Variants in PRAG1 observed in about 807,000 individuals in gnomAD.
PRAG1 encodes inactive tyrosine-protein kinase PRAG1.
In PRAG1, 110 loss-of-function variants were observed where a neutral mutation model predicts 95.6. The observed-to-expected ratio is 1.15, with a 90% CI of 0.99 to 1.35. The LOEUF (loss-of-function observed/expected upper bound fraction) is 1.35, where lower values mean the gene tolerates loss of function less well. Among genes scored for constraint, PRAG1 ranks in the 40% most tolerant of loss-of-function variants. PRAG1 has a pLI of 0.00. For synonymous variants in PRAG1, 1,052 were observed against 819.4 expected (o/e 1.28, Z -4.85); for missense variants, 2,554 against 1,864.7 (o/e 1.37, Z -6.81).
intron 4 of PRAG1, among the ~76,000 whole-genome samples, chr8:8,329,623 C>T (rs1162469013): frequency 1.3e-5 from 2 of 152,150 alleles, no homozygotes; most frequent in Non-Finnish European, 2.9e-5. Context: ...TCTTGTGTCA[C>T]CTCACTCAGG....
intron 5 of PRAG1, among the ~76,000 whole-genome samples, chr8:8,321,197 A>C (rs1156674466): frequency 1.3e-5 from 2 of 152,064 alleles, no homozygotes; most frequent in Admixed American, 6.6e-5. Context: ...CGATCCTCCC[A>C]CCTCAGCCTC....
intron 1 of PRAG1, among the ~76,000 whole-genome samples, chr8:8,383,190 T>C (rs1800740996): frequency 6.6e-6 from 1 of 152,154 alleles, no homozygotes; most frequent in African/African-American, 2.4e-5. Flanking sequence ...TTGTGGGAAG[T>C]GCTCTCTTTT....
chr8:8,327,723 G>T lies in PRAG1; in HGVS notation c.3059C>A (p.Thr1020Asn), dbSNP rs781260609. Reference sequence around the variant, plus strand: ...AGTGGTACCTACTTTCACAGCATAGGTGCTGCCGGGGTCCTCAGAGCAGGT... The same window carrying T: ...AGTGGTACCTACTTTCACAGCATAGTTGCTGCCGGGGTCCTCAGAGCAGGT... ...CATCSEDPGS[T>N]YAVKICKAPE... Residue 1020 changes from threonine to asparagine, a missense_variant, in exon 5 of 6, where the codon ACC becomes AAC. By Grantham distance (65) the Thr-to-Asn change is moderately conservative. Transcript: ENST00000615670. The T allele has an allele frequency of 6.2e-7, 1 of 1,612,876 alleles. No individual in the cohort carries two copies. The highest frequency in any genetic ancestry group is 2.2e-5 in the East Asian group (1 of 44,856).
rs1356907416 is a variant in PRAG1, at chr8:8,377,031, C to A, written c.1378G>T (p.Gly460Cys). Residue 460 changes from glycine to cysteine, a missense_variant, in exon 3 of 6, where the codon GGC becomes TGC. Gly to Cys is a radical substitution (Grantham distance 159). Coordinates refer to ENST00000615670, the MANE Select transcript of PRAG1 (RefSeq NM_001080826.3). ...AWAQKAASGWGRDSPDPTPQV... is the reference protein window; with the variant it reads ...AWAQKAASGWCRDSPDPTPQV... ...GGAGTTGGGTCTGGGCTGTCCCGGC[C>A]CCAGCCAGATGCTGCTTTCTGGGCC... The A allele has an allele frequency of 6.2e-7, 1 of 1,613,994 alleles. No homozygotes were observed. The highest frequency in any genetic ancestry group is 1.7e-5 in the Admixed American group (1 of 60,022).
At chr8:8,326,682 C>G (rs989285948) in intron 5 of PRAG1, among the ~76,000 whole-genome samples, 1 of 152,206 alleles carries the variant, frequency 6.6e-6, no homozygotes, top group Non-Finnish European at 1.5e-5. Flanking sequence ...GGTTAAAGAG[C>G]TGTGCTGCCT....
chr8:8,336,250 A>G (rs1294167429), intron 4 of PRAG1, among the ~76,000 whole-genome samples: 1 of 152,224 alleles, frequency 6.6e-6, no homozygotes, highest in Non-Finnish European at 1.5e-5. Context: ...TCCTACATCA[A>G]AGAGGGAAAT....
At chr8:8,346,098 T>C (rs1799331838) in intron 3 of PRAG1, among the ~76,000 whole-genome samples, 2 of 152,224 alleles carry the variant, frequency 1.3e-5, no homozygotes, top group Non-Finnish European at 2.9e-5. Context: ...CTATCAGATG[T>C]GAGGCCAAAA....
chr8:8,379,989 C>T lies in PRAG1; in HGVS notation c.330+1429G>A, dbSNP rs563102500. 1.8e-3 allele frequency among the ~76,000 whole-genome samples: 273 copies of T among 152,044 alleles called. 1 individual carries two copies. The highest frequency in any genetic ancestry group is 5.8e-3 in the African/African-American group (242 of 41,430). On this transcript the variant is annotated intron_variant, in intron 2 of 5. Transcript: ENST00000615670. ...GGCATGGTGGCTTATGCCTATAATCCCAGCACTATGGGAGGCTGAGGCAGA... is the reference window on the plus strand; with the variant it reads ...GGCATGGTGGCTTATGCCTATAATCTCAGCACTATGGGAGGCTGAGGCAGA...
intron 4 of PRAG1, among the ~76,000 whole-genome samples, chr8:8,331,819 TAGTC>T (rs1452234967): frequency 8.8e-6 from 1 of 113,404 alleles, no homozygotes; most frequent in Non-Finnish European, 2.0e-5. Context: ...TAGGAGCTGT[TAGTC>T]AGTGACTTTG....
chr8:8,363,976 A>G (rs1420455774), intron 3 of PRAG1, among the ~76,000 whole-genome samples: 1 of 152,178 alleles, frequency 6.6e-6, no homozygotes, highest in Non-Finnish European at 1.5e-5. Flanking sequence ...TAATCATAAC[A>G]TTTTACTTAC....
chr8:8,379,705 T>G (rs529371028), intron 2 of PRAG1, among the ~76,000 whole-genome samples: 9 of 152,180 alleles, frequency 5.9e-5, no homozygotes, highest in Non-Finnish European at 1.3e-4. Context: ...AAGCAGTTCC[T>G]AGGATATGTC....
intron 4 of PRAG1, among the ~76,000 whole-genome samples, chr8:8,334,869 G>A (rs1798937733): frequency 6.6e-6 from 1 of 151,910 alleles, no homozygotes; most frequent in South Asian, 2.1e-4. Context: ...GATCACTTGA[G>A]GTCAGGAGTT....
rs762011421 is a variant in PRAG1, at chr8:8,376,894, A to AGCTCAC, written c.1514_1515insGTGAGC (p.Pro505_Val506insTer). On this transcript the variant is annotated stop_gained and inframe_insertion, in exon 3 of 6. Transcript: ENST00000615670. LOFTEE classifies it high-confidence loss of function. ...CACCTACCTCGGAGTTCTGGCTCAC[A>AGCTCAC]GGCCCTCGTGGCCACTGCACCCCCA... 1 of 1,613,250 alleles carries AGCTCAC rather than the reference A, an allele frequency of 6.2e-7. No individual in the cohort carries two copies. The highest frequency in any genetic ancestry group is 8.5e-7 in the Non-Finnish European group (1 of 1,180,016).
intron 3 of PRAG1, among the ~76,000 whole-genome samples, chr8:8,350,583 G>A (rs150271669): frequency 6.6e-6 from 1 of 152,338 alleles, no homozygotes; most frequent in East Asian, 1.9e-4. Context: ...GCCCTCAGGA[G>A]CTACTGGGAA....
chr8:8,340,172 C>G (rs1563235299), intron 3 of PRAG1, among the ~76,000 whole-genome samples: 2 of 152,168 alleles, frequency 1.3e-5, no homozygotes, highest in Non-Finnish European at 2.9e-5. Context: ...TAAATGTGAA[C>G]CAGACTTCCA....
chr8:8,373,865 A>G (rs1800294088), intron 3 of PRAG1, among the ~76,000 whole-genome samples: 2 of 152,188 alleles, frequency 1.3e-5, no homozygotes, highest in South Asian at 4.1e-4. Flanking sequence ...GGGTTTTATC[A>G]TAACAAACTG....
At chr8:8,362,912 CTT>C (rs1264639747) in intron 3 of PRAG1, among the ~76,000 whole-genome samples, 1 of 152,062 alleles carries the variant, frequency 6.6e-6, no homozygotes, top group East Asian at 1.9e-4. Flanking sequence ...GAGGAAGTCG[CTT>C]ATGTAAAGGC....
chr8:8,339,780 G>C (rs544890770), intron 3 of PRAG1, 145 bp from the exon 4 acceptor site: 3 of 723,034 alleles, frequency 4.1e-6, no homozygotes, highest in Non-Finnish European at 6.5e-6. Flanking sequence ...ATTTTGGGGA[G>C]ACAGTAGAGG....
intron 4 of PRAG1, among the ~76,000 whole-genome samples, chr8:8,333,422 C>T (rs1457304905): frequency 6.6e-6 from 1 of 152,110 alleles, no homozygotes; most frequent in Non-Finnish European, 1.5e-5. Flanking sequence ...GTATGCTGCA[C>T]TGGATGGGAT....
Sources: allele counts gnomAD v4.1 joint callset (sites outside exome capture counted in the v4.1 genomes callset), GRCh38; gene constraint gnomAD v4.1.1; transcripts MANE v1.5; gene names NCBI Gene and HGNC (gene_info 2026-07-23, HGNC 2026-07-21).